The following NLRP7 variants were observed in gnomAD, a reference collection of about 807,000 sequenced individuals.
The protein encoded by NLRP7 is NACHT, LRR and PYD domains-containing protein 7.
In NLRP7, 72 loss-of-function variants were observed where a neutral mutation model predicts 85.5. The observed-to-expected ratio is 0.84, with a 90% CI of 0.70 to 1.02. The LOEUF is 1.02. NLRP7 is among the 50% of genes least tolerant of loss of function. NLRP7 has a pLI of 0.00. For synonymous variants in NLRP7, 550 were observed against 505.2 expected (o/e 1.09, Z -1.19); for missense variants, 1,243 against 1,219.5 (o/e 1.02, Z -0.29).
chr19:54,935,884 C>G (rs972708304), intron 6 of NLRP7, among the ~76,000 whole-genome samples: 2 of 151,766 alleles, frequency 1.3e-5, no homozygotes, highest in Non-Finnish European at 2.9e-5. Context: ...CGAACAGTTT[C>G]ATCCCAAAAC....
At chr19:54,943,298 G>A (rs940656060) in intron 1 of NLRP7, among the ~76,000 whole-genome samples, 5 of 151,488 alleles carry the variant, frequency 3.3e-5, no homozygotes, top group Admixed American at 2.6e-4. Flanking sequence ...GTGAGGCCCT[G>A]TCTCAAAAGT....
Position 54,940,294 on chromosome 19 carries a change from C to T in NLRP7, c.525G>A (p.Val175=), listed in dbSNP as rs769748031. The change falls in exon 4 of 10, where the codon GTG becomes GTA. Residue 175 remains valine, a synonymous_variant. Coordinates refer to ENST00000340844, the Ensembl canonical transcript of NLRP7. The stretch of plus-strand genomic sequence containing the variant: ...TCCCCACGCCTGCGGGGCCGTGCAG[C>T]ACCACCGTGTAAGGTGTTAGCTTCC... 2.5e-6 allele frequency: 4 copies of T among 1,614,200 alleles called. No individual in the cohort carries two copies. The South Asian group carries it at 4.4e-5, about 18-fold the overall frequency.
intron 1 of NLRP7, among the ~76,000 whole-genome samples, chr19:54,963,807 G>C (rs557164694): frequency 2.7e-5 from 4 of 150,146 alleles, no homozygotes; most frequent in African/African-American, 9.8e-5. Flanking sequence ...CCGGGCGACA[G>C]TGCCAGACTC....
chr19:54,953,371 T>C (rs547979355), intron 1 of NLRP7: 2 of 151,970 alleles, frequency 1.3e-5, no homozygotes, highest in East Asian at 3.9e-4. Context: ...AAGCAGGGGG[T>C]ACGTGACTGG....
intron 9 of NLRP7, among the ~76,000 whole-genome samples, chr19:54,924,358 C>T (rs983692221): frequency 6.6e-5 from 10 of 152,224 alleles, no homozygotes; most frequent in African/African-American, 1.2e-4. Context: ...CACGGTGTCT[C>T]GCACCTGTAG....
chr19:54,927,587 A>G lies in NLRP7; in HGVS notation c.2810+2912T>C. ...ACAAAAACAAAAAACAAAACAAAAC[A>G]AAACAAAAAACCCATACCTGAGTAT... On this transcript the variant is annotated intron_variant, in intron 9 of 9. Transcript: ENST00000340844. 1 of 1,613,156 alleles carries G rather than the reference A, an allele frequency of 6.2e-7. No homozygotes were observed. Among genetic ancestry groups the G allele is most frequent in the African/African-American group, 1.3e-5 (1 of 74,936 alleles).
chr19:54,935,471 G>T (rs973743250), intron 6 of NLRP7, among the ~76,000 whole-genome samples: 1 of 152,016 alleles, frequency 6.6e-6, no homozygotes, highest in African/African-American at 2.4e-5. Flanking sequence ...CGAGACAGGC[G>T]GATCACTTGA....
chr19:54,938,074 G>A (rs1216092364), exon 5 of NLRP7: 2 of 1,613,956 alleles, frequency 1.2e-6, no homozygotes, highest in African/African-American at 1.3e-5. Context: ...GGTGCTACGG[G>A]TTACGTGGTC....
chr19:54,962,887 C>CCA (rs2070109066), intron 1 of NLRP7, among the ~76,000 whole-genome samples: 1 of 152,136 alleles, frequency 6.6e-6, no homozygotes, highest in Admixed American at 6.6e-5. Flanking sequence ...GCGTGAGGCA[C>CCA]CACACTGGGC....
In NLRP7 at chr19:54,939,299, T is replaced by TC; in HGVS notation, c.1519dup (p.Glu507GlyfsTer21). On this transcript the variant is annotated frameshift_variant, in exon 4 of 10. Coordinates refer to ENST00000340844, the Ensembl canonical transcript of NLRP7. LOFTEE classifies it high-confidence loss of function. ...CAGGTCGGGGTTCTTGAGTCTTTCT[T>TC]CTCCGGAAAGCAGCTTCTGTACGTC... The TC allele has an allele frequency of 6.2e-7, 1 of 1,610,356 alleles. No individual in the cohort carries two copies. Among genetic ancestry groups the TC allele is most frequent in the Non-Finnish European group, 8.5e-7 (1 of 1,176,936 alleles).
intron 9 of NLRP7, among the ~76,000 whole-genome samples, chr19:54,926,587 C>G (rs566081629): frequency 6.6e-6 from 1 of 152,144 alleles, no homozygotes; most frequent in South Asian, 2.1e-4. Context: ...TGAGACCAAC[C>G]TGACCAACAT....
intron 1 of NLRP7, among the ~76,000 whole-genome samples, chr19:54,952,695 T>C (rs1273569248): frequency 2.6e-5 from 4 of 152,064 alleles, no homozygotes; most frequent in South Asian, 4.2e-4. Flanking sequence ...TTCCTTCTCT[T>C]CTGCAACACA....
At chr19:54,936,312 A>G in exon 6 of NLRP7, 1 of 1,614,052 alleles carries the variant, frequency 6.2e-7, no homozygotes, top group Non-Finnish European at 8.5e-7. Flanking sequence ...ACACAGCATC[A>G]GCATCATCGT....
chr19:54,932,498 A>G (rs944742895), intron 8 of NLRP7, among the ~76,000 whole-genome samples: 3 of 151,986 alleles, frequency 2.0e-5, no homozygotes, highest in Non-Finnish European at 2.9e-5. Flanking sequence ...CTTCAACCCT[A>G]TGCAATCTCT....
At chr19:54,957,402 A>G (rs1388134287) in intron 1 of NLRP7, among the ~76,000 whole-genome samples, 2 of 143,286 alleles carry the variant, frequency 1.4e-5, no homozygotes, top group African/African-American at 5.3e-5. Context: ...CTGGAGTACA[A>G]TGGTGCGATC....
intron 9 of NLRP7, among the ~76,000 whole-genome samples, chr19:54,924,219 C>T (rs370004039): frequency 3.3e-4 from 51 of 152,258 alleles, no homozygotes; most frequent in Middle Eastern, 6.8e-3. Flanking sequence ...CCATCCACCT[C>T]GGCCTCCCAA....
At chr19:54,940,053 C>G (rs1157709536) in exon 4 of NLRP7, 2 of 1,614,204 alleles carry the variant, frequency 1.2e-6, no homozygotes, top group Non-Finnish European at 1.7e-6. Context: ...TTCAGCTCAT[C>G]AAGGCCATCG....
At chr19:54,926,303 A>C (rs2068438521) in intron 9 of NLRP7, among the ~76,000 whole-genome samples, 1 of 152,004 alleles carries the variant, frequency 6.6e-6, no homozygotes, top group Non-Finnish European at 1.5e-5. Context: ...GCCTAGGACT[A>C]AGTGTTTTGG....
chr19:54,939,953 C>T, exon 4 of NLRP7: 1 of 1,614,182 alleles, frequency 6.2e-7, no homozygotes, highest in Non-Finnish European at 8.5e-7. Context: ...TAACATCTTC[C>T]TCTTCAGCAA....
Sources: gnomAD v4.1 joint callset for allele counts (sites outside exome capture counted in the v4.1 genomes callset) on GRCh38, gnomAD v4.1.1 for gene constraint, MANE v1.5 for transcripts, NCBI Gene and HGNC (gene_info 2026-07-23, HGNC 2026-07-21) for gene names.